ZMYM6: variants seen among roughly 807,000 people sequenced by gnomAD.
The protein encoded by ZMYM6 is zinc finger MYM-type containing 6.
In ZMYM6, 90 loss-of-function variants were observed where a neutral mutation model predicts 134.0. That is an observed-to-expected ratio of 0.67 (90% confidence interval 0.57 to 0.80). The LOEUF (loss-of-function observed/expected upper bound fraction) is 0.80. Ranked by LOEUF, ZMYM6 falls within the 30% of genes least tolerant of loss-of-function variation. ZMYM6 has a pLI of 0.00. For missense variants in ZMYM6, 1,362 were observed against 1,533.9 expected (o/e 0.89, Z 1.87); for synonymous variants, 481 against 524.1 (o/e 0.92, Z 1.12).
chr1:35,025,565 A>G (rs1641398934), intron 2 of ZMYM6, among the ~76,000 whole-genome samples: 1 of 152,138 alleles, frequency 6.6e-6, no homozygotes, highest in African/African-American at 2.4e-5. Context: ...ATGAGAATGC[A>G]TAAGATATGC....
intron 11 of ZMYM6, among the ~76,000 whole-genome samples, chr1:35,008,276 CAG>C (rs1641020819): frequency 6.6e-6 from 1 of 152,196 alleles, no homozygotes; most frequent in Non-Finnish European, 1.5e-5. Flanking sequence ...ATGACACTTA[CAG>C]AGCACCAGAC....
chr1:34,992,660 CTATAAATATAAAAATATAT>C (rs1640699508), intron 14 of ZMYM6, among the ~76,000 whole-genome samples: 2 of 142,166 alleles, frequency 1.4e-5, no homozygotes, highest in Non-Finnish European at 3.1e-5. Flanking sequence ...TATTTATAAA[CTATAAATATAAAAATATAT>C]TTGTAAATAT....
chr1:35,003,162 C>T (rs545986339), intron 14 of ZMYM6, among the ~76,000 whole-genome samples: 1 of 124,640 alleles, frequency 8.0e-6, no homozygotes, highest in African/African-American at 3.1e-5. Context: ...GCCTGGGCAA[C>T]AGAGCAAGAC....
In ZMYM6 at chr1:35,010,904, TGGG is replaced by T; in HGVS notation, c.1192_1194del (p.Pro398del). The T allele has an allele frequency of 5.0e-6, 8 of 1,613,650 alleles. 1 individual carries two copies. On this transcript the variant is annotated inframe_deletion, in exon 9 of 16. Transcript: ENST00000357182. ...GCTGCAGCAGAGCCACGGATGGAGC[TGGG>T]GGAAACGGCAGAGGTGTTACCTCCT...
intron 4 of ZMYM6, chr1:35,018,816 C>A: frequency 6.4e-6 from 1 of 155,166 alleles, no homozygotes. Flanking sequence ...TATGCCAAAT[C>A]CTTCAAATGT....
intron 2 of ZMYM6, among the ~76,000 whole-genome samples, chr1:35,023,150 C>G (rs2148460352): frequency 6.6e-6 from 1 of 151,848 alleles, no homozygotes; most frequent in South Asian, 2.1e-4. Flanking sequence ...CTCTTGTTGC[C>G]CAGGCTGGAG....
intron 2 of ZMYM6, 150 bp downstream of exon 2, chr1:35,030,397 T>G (rs1641499052): frequency 4.4e-6 from 3 of 684,930 alleles, no homozygotes; most frequent in African/African-American, 1.8e-5. Context: ...ATCGCACCAC[T>G]GCACTACACC....
chr1:34,990,830 T>G (rs1640660232), intron 15 of ZMYM6, among the ~76,000 whole-genome samples: 1 of 150,850 alleles, frequency 6.6e-6, no homozygotes, highest in Admixed American at 6.6e-5. Flanking sequence ...CAATGTCAAA[T>G]GAAAAAGTAA....
intron 3 of ZMYM6, 83 bp from the exon 4 acceptor site, chr1:35,019,685 C>A: frequency 6.9e-7 from 1 of 1,441,620 alleles, no homozygotes; most frequent in Non-Finnish European, 9.2e-7. Flanking sequence ...TCTCTTTTTT[C>A]TTTTTCTGAG....
chr1:34,987,738 T>C lies in ZMYM6; in HGVS notation c.3344A>G (p.Tyr1115Cys). 6.4e-7 allele frequency: 1 copy of C among 1,551,500 alleles called. No homozygotes were observed. Among genetic ancestry groups the C allele is most frequent in the Admixed American group, 2.0e-5 (1 of 50,988 alleles). Residue 1115 changes from tyrosine to cysteine, a missense_variant, in exon 16 of 16, where the codon TAC becomes TGC. Transcript: ENST00000357182. ...HDEEWVGKLA[Y>C]LSDIFSLINE... ...TATAAGTGAAAATATATCTGATAAG[T>C]AGGCCAGCTTTCCAACCCATTCCTC...
At chr1:35,025,318 T>C (rs1356104521) in intron 2 of ZMYM6, among the ~76,000 whole-genome samples, 2 of 151,282 alleles carry the variant, frequency 1.3e-5, no homozygotes, top group Non-Finnish European at 2.9e-5. Context: ...AATACAAAAA[T>C]TAGCCAGGTG....
intron 4 of ZMYM6, chr1:35,018,416 C>T (rs1033168562): frequency 4.0e-5 from 6 of 151,856 alleles, no homozygotes; most frequent in Non-Finnish European, 7.4e-5. Flanking sequence ...CAGATAAACA[C>T]AGCCAAAGAC....
At chr1:35,028,851 T>A (rs924509330) in intron 2 of ZMYM6, among the ~76,000 whole-genome samples, 2 of 151,940 alleles carry the variant, frequency 1.3e-5, no homozygotes, top group African/African-American at 4.8e-5. Context: ...GTAGCCAGAA[T>A]GATCTTTCCA....
At position 34,987,218 on chromosome 1, in the gene ZMYM6, A is replaced by G. The variant is rs1427429893; in HGVS notation, c.3864T>C (p.Phe1288=). The change falls in exon 16 of 16, where the codon TTT becomes TTC. Residue 1288 remains phenylalanine (F), a synonymous_variant. Transcript: ENST00000357182. Reference sequence around the variant, plus strand: ...TTTGTTTTGACTCAGTCAAAGCTGAAAAGGCAGCATCACATAAATAAACAG... The same window carrying G: ...TTTGTTTTGACTCAGTCAAAGCTGAGAAGGCAGCATCACATAAATAAACAG... ...FSTVYLCDAA[F]SALTESKQKN... is the part of the protein sequence containing the mutation. The G allele has an allele frequency of 1.2e-6, 2 of 1,613,898 alleles. No individual in the cohort carries two copies. Among genetic ancestry groups the G allele is most frequent in the Admixed American group, 1.7e-5 (1 of 59,994 alleles).
intron 14 of ZMYM6, among the ~76,000 whole-genome samples, chr1:34,997,934 T>C (rs1244923532): frequency 1.3e-5 from 2 of 152,180 alleles, no homozygotes; most frequent in Non-Finnish European, 2.9e-5. Flanking sequence ...AATCCATATT[T>C]TTCCTACTGA....
chr1:35,005,088 C>G, intron 13 of ZMYM6, 44 bp downstream of exon 13: 1 of 1,609,520 alleles, frequency 6.2e-7, no homozygotes, highest in Middle Eastern at 1.7e-4. Context: ...CTAGACAACA[C>G]TCACTTCTAT....
intron 2 of ZMYM6, among the ~76,000 whole-genome samples, chr1:35,020,870 C>T (rs963490941): frequency 6.6e-6 from 1 of 151,340 alleles, no homozygotes; most frequent in African/African-American, 2.4e-5. Flanking sequence ...CACACCCGGC[C>T]CTATTCATCT....
Position 34,988,822 on chromosome 1 carries a change from T to G in ZMYM6, c.2260A>C (p.Ile754Leu), listed in dbSNP as rs776503253. The G allele has an allele frequency of 1.9e-6, 3 of 1,564,074 alleles. No homozygotes were observed. The Admixed American group carries it at 5.7e-5, about 30-fold the overall frequency. The change falls in exon 16 of 16, where the codon ATT becomes CTT. Residue 754 changes from isoleucine (I) to leucine (L), a missense_variant. By Grantham distance (5) the Ile-to-Leu change is conservative. This residue lies in a region of ZMYM6 where 824 missense variants were observed against 940.9 expected (regional missense o/e 0.88). Transcript: ENST00000357182. Reference sequence around the variant, plus strand: ...CTTTCTTTTGATCCAGGACAGATAATAAAACCAACTTTTAAATATTCTGTA... The same window carrying G: ...CTTTCTTTTGATCCAGGACAGATAAGAAAACCAACTTTTAAATATTCTGTA... ...YDTEYLKVGFIICPGSKESSP... is the reference protein window; with the variant it reads ...YDTEYLKVGFLICPGSKESSP...
intron 2 of ZMYM6, among the ~76,000 whole-genome samples, chr1:35,020,854 A>G (rs1641296923): frequency 6.6e-6 from 1 of 151,872 alleles, no homozygotes; most frequent in Admixed American, 6.6e-5. Context: ...TACAGGCGTG[A>G]GCCACCACAC....
Sources: gnomAD v4.1 joint callset for allele counts (sites outside exome capture counted in the v4.1 genomes callset) on GRCh38, gnomAD v4.1.1 for gene constraint, gnomAD v4.1.1 regional missense constraint, MANE v1.5 for transcripts, NCBI Gene and HGNC (gene_info 2026-07-23, HGNC 2026-07-21) for gene names.